GAL3ST2: variants seen among roughly 807,000 people sequenced by gnomAD.
GAL3ST2 encodes beta-galactose-3-O-sulfotransferase 2.
GAL3ST2 carries 16 observed loss-of-function variants against 12.9 expected under a neutral mutation model. The ratio of observed to expected loss-of-function variants is 1.24; its 90% CI spans 0.84 to 1.88. GAL3ST2 has a LOEUF of 1.88. Among genes scored for constraint, GAL3ST2 ranks in the 40% most tolerant of loss-of-function variants. GAL3ST2 has a pLI of 0.00. For synonymous variants in GAL3ST2, 302 were observed against 273.9 expected (o/e 1.10, Z -1.01); for missense variants, 639 against 571.8 (o/e 1.12, Z -1.20).
At chr2:241,790,516 A>T (rs566001703) in intron 1 of GAL3ST2, among the ~76,000 whole-genome samples, 7 of 152,262 alleles carry the variant, frequency 4.6e-5, no homozygotes, top group African/African-American at 1.4e-4. Context: ...ATCTTGCCCA[A>T]ATTCCTATCT....
intron 1 of GAL3ST2, among the ~76,000 whole-genome samples, chr2:241,798,127 C>G (rs1699796124): frequency 2.0e-5 from 3 of 152,158 alleles, no homozygotes; most frequent in Admixed American, 2.0e-4. Context: ...GCTCCCCGCC[C>G]GACTCCACGG....
Position 241,803,538 on chromosome 2 carries a change from A to T in GAL3ST2, c.569A>T (p.Lys190Met), listed in dbSNP as rs762725454. The change falls in exon 4 of 4, where the codon AAG becomes ATG. Residue 190 changes from lysine (K) to methionine (M), a missense_variant. Transcript: ENST00000192314. ...CGCCACCTCAGGAACGTCTACGCCAAGAACAACATGTGGTTCGACTTCGGC... is the reference window on the plus strand; with the variant it reads ...CGCCACCTCAGGAACGTCTACGCCATGAACAACATGTGGTTCGACTTCGGC... The part of the protein sequence containing the change: ...DSRHLRNVYA[K>M]NNMWFDFGFD... 6.2e-7 allele frequency: 1 copy of T among 1,609,996 alleles called. No homozygotes were observed. The highest frequency in any genetic ancestry group is 1.3e-5 in the African/African-American group (1 of 75,012).
intron 1 of GAL3ST2, among the ~76,000 whole-genome samples, chr2:241,779,838 TA>T: frequency 6.6e-6 from 1 of 151,744 alleles, no homozygotes; most frequent in South Asian, 2.1e-4. Flanking sequence ...AATACAAAAT[TA>T]GCCGGGCATG....
intron 1 of GAL3ST2, among the ~76,000 whole-genome samples, chr2:241,785,520 C>G (rs961732238): frequency 6.7e-6 from 1 of 149,538 alleles, no homozygotes; most frequent in Non-Finnish European, 1.5e-5. Context: ...CCACTGCACT[C>G]CAGCCTGGGC....
At chr2:241,803,158 C>A (rs1290360338) in intron 3 of GAL3ST2, among the ~76,000 whole-genome samples, 187 bp from the exon 4 acceptor site, 2 of 152,222 alleles carry the variant, frequency 1.3e-5, no homozygotes, top group African/African-American at 4.8e-5. Flanking sequence ...GGCTGCAGGG[C>A]CTGCGTGTGG....
rs781756423 is a variant in GAL3ST2, at chr2:241,802,072, A to G, written c.375+36A>G. On this transcript the variant is annotated intron_variant, in intron 3 of 3. Transcript: ENST00000192314. This position sits in a 1 kb window ranked among gnomAD's most constrained non-coding sequence, Gnocchi z 4.8. ...CCTGCTGGGGAGGAGGGCGGGCTGC[A>G]GCCGTGCCTGTGGCTGTGGGTCTGG... 1 of 1,573,186 alleles carries G rather than the reference A, an allele frequency of 6.4e-7. No individual in the cohort carries two copies. The highest frequency in any genetic ancestry group is 1.2e-5 in the South Asian group (1 of 85,804).
chr2:241,782,940 C>A (rs921413331), intron 1 of GAL3ST2, among the ~76,000 whole-genome samples: 1 of 152,064 alleles, frequency 6.6e-6, no homozygotes, highest in African/African-American at 2.4e-5. Flanking sequence ...GAGTTCAAGG[C>A]CAGCTTGGTC....
chr2:241,776,902 A>G lies in GAL3ST2; in HGVS notation c.-54A>G. 4.2e-6 allele frequency: 6 copies of G among 1,415,098 alleles called. No homozygotes were observed. Among genetic ancestry groups the G allele is most frequent in the South Asian group, 1.6e-5 (1 of 62,230 alleles). 87.7% of individuals were successfully genotyped at this position (1,415,098 alleles called of 1,614,324 possible). On this transcript the variant is annotated 5_prime_UTR_variant, in exon 1 of 4. Coordinates refer to ENST00000192314, the MANE Select transcript of GAL3ST2 (RefSeq NM_022134.3). ...AGCCGGCAGGGGCCGAGGCGGTGGG[A>G]CCTCGGGGGAGCTCAAGCCTCGACT... is the stretch of plus-strand genomic sequence containing the variant.
In GAL3ST2 at chr2:241,803,968, G is replaced by C. The variant is rs376597256; in HGVS notation, c.999G>C (p.Gln333His). 1.3e-6 allele frequency: 2 copies of C among 1,533,042 alleles called. No homozygotes were observed. The highest frequency in any genetic ancestry group is 1.7e-6 in the Non-Finnish European group (2 of 1,143,242). 95.0% of individuals were successfully genotyped at this position (1,533,042 alleles called of 1,614,324 possible). A position where few individuals can be genotyped will look rare whatever the true frequency, so the allele number is the denominator to read the frequency against. Reference sequence around the variant, plus strand: ...GCGGCGCGCTCAAGAACCACACGCAGATCAGAGACCCGCGCCTGCGCCCCT... The same window carrying C: ...GCGGCGCGCTCAAGAACCACACGCACATCAGAGACCCGCGCCTGCGCCCCT... ...QDGGALKNHT[Q>H]IRDPRLRPYQ... Residue 333 changes from glutamine (Q) to histidine (H), a missense_variant, in exon 4 of 4, where the codon CAG becomes CAC. Gln to His is a conservative substitution (Grantham distance 24, BLOSUM62 0). Coordinates refer to ENST00000192314, the MANE Select transcript of GAL3ST2 (RefSeq NM_022134.3).
chr2:241,790,364 T>C (rs1342806314), intron 1 of GAL3ST2, among the ~76,000 whole-genome samples: 3 of 152,244 alleles, frequency 2.0e-5, no homozygotes, highest in Non-Finnish European at 2.9e-5. Flanking sequence ...GCTTTAAATG[T>C]TGCTGATTCT....
At chr2:241,781,905 AC>A (rs1411063963) in intron 1 of GAL3ST2, among the ~76,000 whole-genome samples, 1 of 152,266 alleles carries the variant, frequency 6.6e-6, no homozygotes, top group Non-Finnish European at 1.5e-5. Flanking sequence ...CATTCATTTA[AC>A]CAAGGTGGTA....
rs370037028 is a variant in GAL3ST2 at position 241,777,272 on chromosome 2, C to T, written c.29+288C>T. On this transcript the variant is annotated intron_variant, in intron 1 of 3. Coordinates refer to ENST00000192314, the MANE Select transcript of GAL3ST2 (RefSeq NM_022134.3). The stretch of plus-strand genomic sequence containing the variant: ...TGTGGCGTGGAGACGCTCGAGTGTC[C>T]GCGTGACGGCTGGGGAGGGTGAGAC... Among the ~76,000 whole-genome samples, 219 of 152,294 alleles carry T rather than the reference C, an allele frequency of 1.4e-3. 6 individuals carry two copies. In the South Asian group the frequency reaches 0.041, roughly 29 times the overall value.
intron 1 of GAL3ST2, among the ~76,000 whole-genome samples, chr2:241,789,235 C>T (rs770782705): frequency 6.6e-5 from 10 of 152,182 alleles, no homozygotes; most frequent in Non-Finnish European, 1.3e-4. Context: ...AGCCAGTGAA[C>T]TTATATTTAT....
intron 1 of GAL3ST2, 127 bp from the exon 2 acceptor site, chr2:241,798,938 G>A: frequency 1.1e-5 from 8 of 741,590 alleles, no homozygotes; most frequent in East Asian, 2.6e-5. Context: ...TTGAGGACAA[G>A]ACGTTACAGA....
intron 1 of GAL3ST2, among the ~76,000 whole-genome samples, chr2:241,779,963 G>A (rs968517879): frequency 3.3e-5 from 5 of 150,680 alleles, no homozygotes; most frequent in African/African-American, 1.2e-4. Flanking sequence ...TCCAGCCTGG[G>A]CAACAAGAGC....
chr2:241,791,530 C>G, intron 1 of GAL3ST2, among the ~76,000 whole-genome samples: 1 of 152,186 alleles, frequency 6.6e-6, no homozygotes, highest in Middle Eastern at 3.2e-3. Flanking sequence ...AAGAATATCA[C>G]TTTCTGACAG....
chr2:241,797,991 G>A (rs111668373), intron 1 of GAL3ST2, among the ~76,000 whole-genome samples: 5,646 of 152,244 alleles, frequency 0.037, 163 homozygotes, highest in Admixed American at 0.051. Context: ...GAGACGCTAC[G>A]GCCCACGTGG....
intron 1 of GAL3ST2, among the ~76,000 whole-genome samples, chr2:241,783,863 C>T (rs77151469): frequency 4.9e-4 from 74 of 152,206 alleles, no homozygotes; most frequent in African/African-American, 1.7e-3. Context: ...TTGGGAGGAA[C>T]GAACTTAGTT....
chr2:241,791,547 G>C (rs1055108910), intron 1 of GAL3ST2, among the ~76,000 whole-genome samples: 8 of 152,134 alleles, frequency 5.3e-5, no homozygotes, highest in Non-Finnish European at 8.8e-5. Flanking sequence ...ACAGGTCCAG[G>C]AGCCCCAGGT....
Sources: allele counts gnomAD v4.1 joint callset (sites outside exome capture counted in the v4.1 genomes callset), GRCh38; gene constraint gnomAD v4.1.1; non-coding constraint Gnocchi (gnomAD v3.1); transcripts MANE v1.5; gene names NCBI Gene and HGNC (gene_info 2026-07-23, HGNC 2026-07-21).